The following SLC35H1 variants were observed in gnomAD, a reference collection of about 807,000 sequenced individuals.
The protein encoded by SLC35H1 is solute carrier family 35 member H1.
the SLC35H1 span, chr20:46,350,429 C>T: frequency 1.2e-6 from 2 of 1,613,778 alleles, no homozygotes; most frequent in Non-Finnish European, 1.7e-6. Context: ...TACTCCTCCT[C>T]CTCATTGTCA....
the SLC35H1 span, chr20:46,350,385 C>T: frequency 6.2e-7 from 1 of 1,601,234 alleles, no homozygotes; most frequent in Admixed American, 1.7e-5. Flanking sequence ...AGCCATTTGC[C>T]CTGGCTGGTC....
chr20:46,347,483 C>T, the SLC35H1 span: 1 of 152,266 alleles, frequency 6.6e-6, no homozygotes. Flanking sequence ...TCTCTGTCCC[C>T]AAGTCCGGCA....
At chr20:46,356,496 C>T in the SLC35H1 span, 2 of 1,447,014 alleles carry the variant, frequency 1.4e-6, no homozygotes, top group Non-Finnish European at 1.9e-6. Flanking sequence ...GGCCTAGCAG[C>T]CGGGTGTGCA....
At chr20:46,350,807 G>A in the SLC35H1 span, 1 of 1,614,108 alleles carries the variant, frequency 6.2e-7, no homozygotes, top group Non-Finnish European at 8.5e-7. Context: ...ATATTCCCGA[G>A]AGGCAGAGGG....
the SLC35H1 span, chr20:46,355,894 C>T: frequency 5.6e-6 from 9 of 1,614,030 alleles, no homozygotes; most frequent in Middle Eastern, 3.3e-4. This position sits in a 1 kb window ranked among gnomAD's most constrained non-coding sequence, Gnocchi z 4.8. Flanking sequence ...AAATTACCCA[C>T]AATGCACTGC....
the SLC35H1 span, chr20:46,351,037 AG>A: frequency 2.1e-5 from 23 of 1,076,044 alleles, no homozygotes; most frequent in Non-Finnish European, 3.1e-5. Context: ...CAGAGAGGTC[AG>A]GGGACCCGGC....
the SLC35H1 span, chr20:46,352,224 G>C: frequency 6.2e-7 from 1 of 1,614,062 alleles, no homozygotes; most frequent in Non-Finnish European, 8.5e-7. Context: ...GACAAATGGA[G>C]ACCTGAAAGC....
At chr20:46,356,324 G>A in the SLC35H1 span, among the ~76,000 whole-genome samples, 1 of 152,228 alleles carries the variant, frequency 6.6e-6, no homozygotes, top group Non-Finnish European at 1.5e-5. Flanking sequence ...TGATGATGGG[G>A]TTCTGGGAGA....
At chr20:46,360,709 C>T in the SLC35H1 span, among the ~76,000 whole-genome samples, 1 of 152,046 alleles carries the variant, frequency 6.6e-6, no homozygotes, top group African/African-American at 2.4e-5. Context: ...CCACCACACC[C>T]GGCTAATTTT....
chr20:46,361,214 T>G, the SLC35H1 span, among the ~76,000 whole-genome samples: 1 of 152,200 alleles, frequency 6.6e-6, no homozygotes, highest in Non-Finnish European at 1.5e-5. Flanking sequence ...CTCTTCCTAC[T>G]TCCCATCCCA....
the SLC35H1 span, chr20:46,347,319 T>A: frequency 4.6e-5 from 7 of 152,258 alleles, no homozygotes; most frequent in Non-Finnish European, 1.0e-4. Flanking sequence ...CAATCAGTCC[T>A]TACTGCACCG....
At chr20:46,352,268 G>A in the SLC35H1 span, 4 of 1,591,862 alleles carry the variant, frequency 2.5e-6, no homozygotes, top group Admixed American at 5.0e-5. Context: ...CGGGTCCTGG[G>A]CTGCCTTGGC....
At chr20:46,354,140 G>A in the SLC35H1 span, among the ~76,000 whole-genome samples, 1 of 152,148 alleles carries the variant, frequency 6.6e-6, no homozygotes, top group South Asian at 2.1e-4. Flanking sequence ...GGACGACAGT[G>A]GAGGAACAAC....
chr20:46,361,565 G>A, the SLC35H1 span, among the ~76,000 whole-genome samples: 4 of 152,184 alleles, frequency 2.6e-5, no homozygotes, highest in African/African-American at 9.7e-5. Flanking sequence ...CAACCTGGGC[G>A]TTACTGCTGT....
At chr20:46,358,333 A>G in the SLC35H1 span, 3 of 1,514,222 alleles carry the variant, frequency 2.0e-6, no homozygotes, top group East Asian at 2.3e-5. Context: ...CACCGTAGCC[A>G]TGGCTCTGGC....
At chr20:46,353,409 A>G in the SLC35H1 span, among the ~76,000 whole-genome samples, 1 of 152,160 alleles carries the variant, frequency 6.6e-6, no homozygotes, top group Non-Finnish European at 1.5e-5. Context: ...CTCCCACACG[A>G]AAGTCCTCGT....
At chr20:46,356,716 G>A in the SLC35H1 span, 1 of 1,392,222 alleles carries the variant, frequency 7.2e-7, no homozygotes, top group Non-Finnish European at 1.0e-6. Context: ...TGAGGCACCT[G>A]AGTGTCCCCC....
chr20:46,348,990 C>T, the SLC35H1 span: 4 of 152,230 alleles, frequency 2.6e-5, no homozygotes, highest in African/African-American at 4.8e-5. Flanking sequence ...TGGGCTTAAC[C>T]GAACGAGCTT....
chr20:46,354,788 C>A, the SLC35H1 span: 1 of 1,167,278 alleles, frequency 8.6e-7, no homozygotes, highest in Non-Finnish European at 1.2e-6. Flanking sequence ...TCTTTGATCT[C>A]AATAATCTCT....
Sources: gnomAD v4.1 joint callset for allele counts (sites outside exome capture counted in the v4.1 genomes callset) on GRCh38, gnomAD v4.1.1 for gene constraint, Gnocchi (gnomAD v3.1) non-coding constraint, MANE v1.5 for transcripts, NCBI Gene and HGNC (gene_info 2026-07-23, HGNC 2026-07-21) for gene names.